Variants in PRAG1 observed in about 807,000 individuals in gnomAD.
The protein encoded by PRAG1 is inactive tyrosine-protein kinase PRAG1.
In PRAG1, 110 loss-of-function variants were observed where a neutral mutation model predicts 95.6. The observed-to-expected ratio is 1.15, with a 90% CI of 0.99 to 1.35. The LOEUF is 1.35. Ranked by LOEUF, PRAG1 falls within the 40% of genes most tolerant of loss-of-function variation. The probability of loss-of-function intolerance (pLI) is 0.00; values close to 1 mark genes in which losing one functional copy is unlikely to be tolerated. For missense variants in PRAG1, 2,554 were observed against 1,864.7 expected (o/e 1.37, Z -6.81); for synonymous variants, 1,052 against 819.4 (o/e 1.28, Z -4.85).
chr8:8,362,949 A>T (rs1799888436), intron 3 of PRAG1, among the ~76,000 whole-genome samples: 1 of 152,116 alleles, frequency 6.6e-6, no homozygotes, highest in Admixed American at 6.5e-5. Flanking sequence ...ACATTTCCAA[A>T]TAAGGAAGAG....
At position 8,335,736 on chromosome 8, in the gene PRAG1, T is replaced by C. The variant is rs960173368; in HGVS notation, c.2320+3742A>G. 2.0e-4 allele frequency among the ~76,000 whole-genome samples: 31 copies of C among 152,114 alleles called. 2 individuals are homozygous for C. Among genetic ancestry groups the C allele is most frequent in the Admixed American group, 2.0e-3 (30 of 15,266 alleles). On this transcript the variant is annotated intron_variant, in intron 4 of 5. Coordinates refer to ENST00000615670, the MANE Select transcript of PRAG1 (RefSeq NM_001080826.3). ...CCTCCCCACCCTGTTCCTGGCTTGATTTTTCTCCTGGCACTCGCTGCCTTC... is the reference window on the plus strand; with the variant it reads ...CCTCCCCACCCTGTTCCTGGCTTGACTTTTCTCCTGGCACTCGCTGCCTTC...
At chr8:8,360,534 C>T (rs555381903) in intron 3 of PRAG1, among the ~76,000 whole-genome samples, 11 of 152,308 alleles carry the variant, frequency 7.2e-5, no homozygotes, top group African/African-American at 2.6e-4. Context: ...TGTCTTTCCT[C>T]ATCTCTCCTC....
rs762443182 is a variant in PRAG1, at chr8:8,376,874, A to G, written c.1535T>C (p.Val512Ala). 84 of 1,613,050 alleles carry G rather than the reference A, an allele frequency of 5.2e-5. No individual in the cohort carries two copies. The Admixed American group carries it at 6.0e-4, about 12-fold the overall frequency. Residue 512 changes from valine (V) to alanine (A), a missense_variant, in exon 3 of 6, where the codon GTA becomes GCA. Transcript: ENST00000615670. ...PRGPVSQNSE[V>A]GEEETSAGQG... The stretch of plus-strand genomic sequence containing the variant: ...CCCAGCCGAAGTCTCCTCTTCACCT[A>G]CCTCGGAGTTCTGGCTCACAGGCCC...
intron 4 of PRAG1, among the ~76,000 whole-genome samples, chr8:8,329,292 C>A (rs1563229423): frequency 6.6e-6 from 1 of 152,014 alleles, no homozygotes; most frequent in South Asian, 2.1e-4. Context: ...ACTAAGGAGT[C>A]TGAGGCAGGA....
rs17667875 is a variant in PRAG1, at chr8:8,348,840, C to T, written c.2163-9205G>A. ...GTTTGATGTGAAATAGGCTTGTAAC[C>T]GTTCCAAAATTATAAATGGTTTGAG... On this transcript the variant is annotated intron_variant, in intron 3 of 5. Coordinates refer to ENST00000615670, the MANE Select transcript of PRAG1 (RefSeq NM_001080826.3). Among the ~76,000 whole-genome samples the T allele has an allele frequency of 7.3e-3, 1,108 of 152,210 alleles. 5 individuals carry two copies. Among genetic ancestry groups the T allele is most frequent in the Non-Finnish European group, 8.8e-3 (601 of 68,016 alleles).
At chr8:8,334,988 T>G (rs1585230068) in intron 4 of PRAG1, among the ~76,000 whole-genome samples, 2 of 151,866 alleles carry the variant, frequency 1.3e-5, no homozygotes, top group African/African-American at 4.8e-5. Flanking sequence ...GGAGAATTGT[T>G]TGAACCCTGG....
At chr8:8,346,347 A>G (rs1299827285) in intron 3 of PRAG1, among the ~76,000 whole-genome samples, 2 of 152,240 alleles carry the variant, frequency 1.3e-5, no homozygotes, top group African/African-American at 2.4e-5. Flanking sequence ...GTAGTGTGAT[A>G]AAAGACATCT....
intron 3 of PRAG1, among the ~76,000 whole-genome samples, chr8:8,371,662 G>C (rs759430154): frequency 3.3e-5 from 5 of 152,128 alleles, no homozygotes; most frequent in Non-Finnish European, 7.3e-5. Flanking sequence ...TTGAGCCCAG[G>C]AGTTCGAGAC....
intron 5 of PRAG1, among the ~76,000 whole-genome samples, chr8:8,325,570 G>C (rs553634397): frequency 1.3e-5 from 2 of 151,968 alleles, no homozygotes; most frequent in African/African-American, 4.8e-5. Context: ...GTAATATATG[G>C]GGCCCTAGAA....
At chr8:8,358,381 A>T (rs1799746212) in intron 3 of PRAG1, among the ~76,000 whole-genome samples, 1 of 152,118 alleles carries the variant, frequency 6.6e-6, no homozygotes, top group Non-Finnish European at 1.5e-5. Context: ...AGGCCTCATT[A>T]CATAGTCATG....
intron 3 of PRAG1, among the ~76,000 whole-genome samples, chr8:8,373,257 T>G (rs1800273154): frequency 6.6e-6 from 1 of 152,188 alleles, no homozygotes; most frequent in Non-Finnish European, 1.5e-5. Context: ...GCGGAGGTAC[T>G]GAGTTCCAGA....
intron 5 of PRAG1, among the ~76,000 whole-genome samples, chr8:8,322,115 G>A (rs1401423216): frequency 1.3e-5 from 2 of 152,174 alleles, no homozygotes; most frequent in African/African-American, 2.4e-5. Context: ...TGGTGGTTAG[G>A]AACACTAGAC....
chr8:8,378,144 A>T, intron 2 of PRAG1, 66 bp from the exon 3 acceptor site: 1 of 1,488,140 alleles, frequency 6.7e-7, no homozygotes, highest in South Asian at 1.4e-5. Flanking sequence ...AGAGAGAGGA[A>T]AAGTGAGAGG....
chr8:8,369,586 T>G (rs959783062), intron 3 of PRAG1, among the ~76,000 whole-genome samples: 3 of 152,194 alleles, frequency 2.0e-5, no homozygotes, highest in Non-Finnish European at 4.4e-5. Flanking sequence ...TTAACAAACA[T>G]TTCTTGAACA....
chr8:8,333,988 C>A (rs1285943930), intron 4 of PRAG1, among the ~76,000 whole-genome samples: 2 of 152,190 alleles, frequency 1.3e-5, no homozygotes, highest in South Asian at 4.1e-4. Flanking sequence ...TTTCTGCCAA[C>A]CCCCATTAAC....
Position 8,377,966 on chromosome 8 carries a change from G to T in PRAG1, c.443C>A (p.Ser148Tyr). The T allele has an allele frequency of 3.1e-6, 5 of 1,613,742 alleles. No homozygotes were observed. The highest frequency in any genetic ancestry group is 4.2e-6 in the Non-Finnish European group (5 of 1,179,928). The change falls in exon 3 of 6, where the codon TCC becomes TAC. Residue 148 changes from serine to tyrosine, a missense_variant. Ser to Tyr is a moderately radical substitution (Grantham distance 144, BLOSUM62 -2). Transcript: ENST00000615670. ...GVQKPAGPST[S>Y]PDGNSRCPPA... The stretch of plus-strand genomic sequence containing the variant: ...GGGACAGCGAGAATTGCCATCAGGG[G>T]AGGTAGAGGGACCAGCAGGCTTCTG...
chr8:8,367,305 A>G (rs1011350048), intron 3 of PRAG1, among the ~76,000 whole-genome samples: 12 of 151,618 alleles, frequency 7.9e-5, no homozygotes, highest in African/African-American at 2.9e-4. Context: ...TAATAATACA[A>G]AAATCAGCCA....
chr8:8,331,132 C>T (rs117702359), intron 4 of PRAG1, among the ~76,000 whole-genome samples: 1 of 152,196 alleles, frequency 6.6e-6, no homozygotes, highest in Non-Finnish European at 1.5e-5. Flanking sequence ...TCAGTGCCCT[C>T]AGAGACAAGG....
intron 3 of PRAG1, among the ~76,000 whole-genome samples, chr8:8,354,065 G>A (rs549106210): frequency 6.6e-6 from 1 of 151,496 alleles, no homozygotes; most frequent in Non-Finnish European, 1.5e-5. Flanking sequence ...AATAAGGAAA[G>A]AAGACTCAAA....
Sources: gnomAD v4.1 joint callset for allele counts (sites outside exome capture counted in the v4.1 genomes callset) on GRCh38, gnomAD v4.1.1 for gene constraint, MANE v1.5 for transcripts, NCBI Gene and HGNC (gene_info 2026-07-23, HGNC 2026-07-21) for gene names.